Variants in INTS8 observed in about 807,000 individuals in gnomAD.
The protein encoded by INTS8 is protein kaonashi-1.
INTS8 carries 47 observed loss-of-function variants against 138.9 expected under a neutral mutation model. The ratio of observed to expected loss-of-function variants is 0.34; its 90% CI spans 0.27 to 0.43. The LOEUF (loss-of-function observed/expected upper bound fraction) is 0.43, where lower values mean the gene tolerates loss of function less well. Ranked by LOEUF, INTS8 falls within the 20% of genes least tolerant of loss-of-function variation. INTS8 has a pLI of 1.00. For synonymous variants in INTS8, 392 were observed against 400.9 expected (o/e 0.98, Z 0.27); for missense variants, 996 against 1,173.0 (o/e 0.85, Z 2.20).
In INTS8 at chr8:94,871,872, C is replaced by T. The variant is rs749483152; in HGVS notation, c.2415-12C>T. On this transcript the variant is annotated splice_polypyrimidine_tract_variant and intron_variant, in intron 20 of 26. Coordinates refer to ENST00000523731, the MANE Select transcript of INTS8 (RefSeq NM_017864.4). Reference sequence around the variant, plus strand: ...TAAAATAGAGATTAATGTTGTGTGTCTTTCCTTTTAGCCTCCAGTCTGTGG... The same window carrying T: ...TAAAATAGAGATTAATGTTGTGTGTTTTTCCTTTTAGCCTCCAGTCTGTGG... The T allele has an allele frequency of 1.4e-6, 2 of 1,404,218 alleles. No individual in the cohort carries two copies. Among genetic ancestry groups the T allele is most frequent in the Non-Finnish European group, 2.0e-6 (2 of 994,576 alleles). 87.0% of individuals were successfully genotyped at this position (1,404,218 alleles called of 1,614,324 possible).
intron 23 of INTS8, 104 bp downstream of exon 23, chr8:94,874,706 A>C (rs1052834078): frequency 4.5e-6 from 3 of 672,484 alleles, no homozygotes; most frequent in Middle Eastern, 7.8e-4. Flanking sequence ...TCCATATCAA[A>C]ATCACTTAGG....
At position 94,865,603 on chromosome 8, in the gene INTS8, G is replaced by A; in HGVS notation, c.2174G>A (p.Cys725Tyr). 1 of 1,614,136 alleles carries A rather than the reference G, an allele frequency of 6.2e-7. No individual in the cohort carries two copies. Residue 725 changes from cysteine to tyrosine, a missense_variant, in exon 17 of 27, where the codon TGT becomes TAT. Cys to Tyr is a radical substitution (Grantham distance 194). Coordinates refer to ENST00000523731, the MANE Select transcript of INTS8 (RefSeq NM_017864.4). ...CTTTGGGAAGTTGTTGTTCAAATCT[G>A]TAGTGTGTCCAGTCAGCACAAACGA... ...KDLWEVVVQICSVSSQHKRGN... is the reference protein window; with the variant it reads ...KDLWEVVVQIYSVSSQHKRGN...
intron 22 of INTS8, among the ~76,000 whole-genome samples, chr8:94,874,153 G>T (rs1816496612): frequency 6.6e-6 from 1 of 151,788 alleles, no homozygotes; most frequent in Admixed American, 6.6e-5. Flanking sequence ...ATATCAGTTT[G>T]CTAGACTTTT....
chr8:94,832,284 G>A (rs138094711), intron 6 of INTS8, 110 bp downstream of exon 6: 3 of 782,216 alleles, frequency 3.8e-6, no homozygotes, highest in African/African-American at 1.8e-5. Context: ...CTCTTAAGAT[G>A]CTATTAAAAC....
chr8:94,853,951 T>A (rs1297240329), intron 14 of INTS8, 36 bp downstream of exon 14: 1 of 1,263,838 alleles, frequency 7.9e-7, no homozygotes, highest in African/African-American at 1.5e-5. Flanking sequence ...TTGTTAAGAA[T>A]ATGCTTTATG....
rs1031866623 is a variant in INTS8, at chr8:94,823,622, T to C, written c.130+61T>C. 4.5e-6 allele frequency: 6 copies of C among 1,319,116 alleles called. No individual in the cohort carries two copies. The African/African-American group carries it at 9.1e-5, about 20-fold the overall frequency. The allele number at this position is 1,319,116 out of a possible 1,614,324, so 81.7% of individuals were successfully genotyped here. On this transcript the variant is annotated intron_variant, in intron 1 of 26. Transcript: ENST00000523731. ...GGCCACCGGCGCTGTCCGCCCAGCT[T>C]CCCTCCGCTCCCCGCCTTCTCGGTC...
intron 15 of INTS8, among the ~76,000 whole-genome samples, chr8:94,859,037 G>A (rs1007231858): frequency 1.3e-5 from 2 of 152,050 alleles, no homozygotes; most frequent in African/African-American, 4.8e-5. Flanking sequence ...AGTCCGAGGC[G>A]GGCAGATCAC....
intron 7 of INTS8, 118 bp from the exon 8 acceptor site, chr8:94,838,342 GCCC>G: frequency 1.3e-6 from 1 of 770,232 alleles, no homozygotes; most frequent in Admixed American, 2.4e-5. Context: ...GAACCGCTGT[GCCC>G]AGCCCGGCTT....
In INTS8 at chr8:94,870,166, C is replaced by T. The variant is rs374358078; in HGVS notation, c.2415-1718C>T. 5.8e-4 allele frequency among the ~76,000 whole-genome samples: 89 copies of T among 152,176 alleles called. 2 individuals are homozygous for T. In the East Asian group the frequency reaches 0.015, roughly 26 times the overall value. On this transcript the variant is annotated intron_variant, in intron 20 of 26. Coordinates refer to ENST00000523731, the MANE Select transcript of INTS8 (RefSeq NM_017864.4). The stretch of plus-strand genomic sequence containing the variant: ...TCCCGGGTTCACGCCATTCTCCTGC[C>T]TCAGCCTCCCAAGTAGCTGGGGCTA...
At chr8:94,873,614 C>G (rs906310061) in intron 22 of INTS8, 137 bp downstream of exon 22, 1 of 647,170 alleles carries the variant, frequency 1.5e-6, no homozygotes, top group South Asian at 1.8e-5. Flanking sequence ...ACACATTGCT[C>G]TGTGTATTTT....
At chr8:94,828,828 G>A in intron 4 of INTS8, 147 bp from the exon 5 acceptor site, 1 of 629,208 alleles carries the variant, frequency 1.6e-6, no homozygotes, top group Non-Finnish European at 2.8e-6. Flanking sequence ...ATAGTTGAGG[G>A]TTTTGTTTTT....
chr8:94,841,710 A>C, intron 9 of INTS8, 119 bp downstream of exon 9: 1 of 616,162 alleles, frequency 1.6e-6, no homozygotes, highest in Non-Finnish European at 2.9e-6. Flanking sequence ...CATGTTGTTA[A>C]TATAAGGGAA....
At chr8:94,873,251 T>C in intron 21 of INTS8, 123 bp from the exon 22 acceptor site, 1 of 767,682 alleles carries the variant, frequency 1.3e-6, no homozygotes, top group Non-Finnish European at 2.4e-6. Flanking sequence ...TAACATTTTA[T>C]TTCTAGTTCT....
intron 12 of INTS8, 125 bp from the exon 13 acceptor site, chr8:94,851,428 A>C: frequency 1.8e-6 from 1 of 564,132 alleles, no homozygotes; most frequent in East Asian, 3.6e-5. Context: ...TGTTGAATGC[A>C]TCAGTTCTCA....
chr8:94,852,523 G>A (rs1485083427), intron 13 of INTS8, among the ~76,000 whole-genome samples: 3 of 151,728 alleles, frequency 2.0e-5, no homozygotes, highest in African/African-American at 7.3e-5. Flanking sequence ...GGTAATGCTC[G>A]TAACTAACTA....
intron 16 of INTS8, among the ~76,000 whole-genome samples, chr8:94,860,528 G>T (rs1815917113): frequency 7.3e-6 from 1 of 136,874 alleles, no homozygotes; most frequent in South Asian, 2.4e-4. Context: ...TGCGTGAGCT[G>T]AGATGGTGCC....
At chr8:94,824,418 A>G (rs1277435569) in intron 1 of INTS8, among the ~76,000 whole-genome samples, 4 of 152,214 alleles carry the variant, frequency 2.6e-5, no homozygotes, top group Non-Finnish European at 5.9e-5. Flanking sequence ...TTAATTGCTC[A>G]CATCCGTTAC....
At chr8:94,835,636 G>T (rs889453197) in intron 6 of INTS8, among the ~76,000 whole-genome samples, 4 of 150,844 alleles carry the variant, frequency 2.7e-5, no homozygotes, top group South Asian at 2.1e-4. Flanking sequence ...GTCTCGCCCT[G>T]TCGCCCAGGC....
intron 8 of INTS8, among the ~76,000 whole-genome samples, 169 bp from the exon 9 acceptor site, chr8:94,841,322 T>G (rs1815124869): frequency 6.6e-6 from 1 of 152,196 alleles, no homozygotes; most frequent in African/African-American, 2.4e-5. Context: ...AGCAGGGCTG[T>G]TTTTGCCCTT....
Sources: gnomAD v4.1 joint callset for allele counts (sites outside exome capture counted in the v4.1 genomes callset) on GRCh38, gnomAD v4.1.1 for gene constraint, MANE v1.5 for transcripts, NCBI Gene and HGNC (gene_info 2026-07-23, HGNC 2026-07-21) for gene names.